The following DMD variants were observed in gnomAD, a reference collection of about 807,000 sequenced individuals.
DMD encodes mutant dystrophin.
Under a neutral mutation model 330.1 loss-of-function variants are expected in DMD, and 63 were observed. The ratio of observed to expected loss-of-function variants is 0.19; its 90% CI spans 0.16 to 0.24. The LOEUF is 0.24. Ranked by LOEUF, DMD falls within the 10% of genes least tolerant of loss-of-function variation. DMD has a pLI of 1.00. For synonymous variants in DMD, 1,223 were observed against 959.8 expected (o/e 1.27, Z -5.07); for missense variants, 3,344 against 2,684.1 (o/e 1.25, Z -5.43).
At chrX:32,590,382 C>G (rs926791732) in intron 13 of DMD, among the ~76,000 whole-genome samples, 1 of 111,425 alleles carries the variant, frequency 9.0e-6, no homozygotes, top group Admixed American at 9.5e-5. Context: ...TATGTGTCAA[C>G]TTCATGGAAT....
chrX:32,718,273 G>A (rs1257681813), intron 7 of DMD, among the ~76,000 whole-genome samples: 1 of 111,115 alleles, frequency 9.0e-6, no homozygotes, highest in Admixed American at 9.6e-5. Context: ...CATAGGGGCA[G>A]ATTTCCCTCT....
At chrX:32,976,661 C>T (rs1358051488) in intron 2 of DMD, among the ~76,000 whole-genome samples, 1 of 111,667 alleles carries the variant, frequency 9.0e-6, no homozygotes, top group Non-Finnish European at 1.9e-5. Context: ...TCATACCACT[C>T]ACCTGCATAC....
chrX:32,467,159 G>C (rs1359424949), intron 23 of DMD, among the ~76,000 whole-genome samples: 1 of 112,264 alleles, frequency 8.9e-6, no homozygotes, highest in Non-Finnish European at 1.9e-5. Flanking sequence ...TTTGCTTAGT[G>C]CTTTGGTTTG....
At chrX:31,964,610 T>C (rs772336508) in intron 45 of DMD, among the ~76,000 whole-genome samples, 5 of 109,299 alleles carry the variant, frequency 4.6e-5, no homozygotes, top group African/African-American at 6.7e-5. Context: ...TGTGTGTGTG[T>C]GTGTGTGTGT....
At chrX:31,860,820 T>G (rs910451844) in intron 48 of DMD, among the ~76,000 whole-genome samples, 1 of 112,403 alleles carries the variant, frequency 8.9e-6, no homozygotes, top group Non-Finnish European at 1.9e-5. Flanking sequence ...CAATGTATTG[T>G]TAGATAAATA....
rs1160859230 is a variant in DMD, at chrX:33,158,365, A to T, written c.31+52917T>A. Among the ~76,000 whole-genome samples the T allele has an allele frequency of 2.7e-5, 3 of 111,021 alleles. No homozygotes were observed. In the East Asian group the frequency reaches 8.6e-4, roughly 32 times the overall value. On this transcript the variant is annotated intron_variant, in intron 1 of 78. Coordinates refer to ENST00000357033, the MANE Select transcript of DMD (RefSeq NM_004006.3). ...CCCATGGTGGCCAGCTTCATCAGAA[A>T]CCTAGTGTGGCTCTGGTTTTCGCCA...
chrX:32,614,922 A>G (rs766609206), intron 11 of DMD, among the ~76,000 whole-genome samples: 1 of 110,667 alleles, frequency 9.0e-6, no homozygotes, highest in South Asian at 3.8e-4. Context: ...CACCACACCA[A>G]TTCCAAGTGT....
intron 1 of DMD, among the ~76,000 whole-genome samples, chrX:33,308,181 C>T (rs1011960956): frequency 2.7e-5 from 3 of 111,784 alleles, no homozygotes; most frequent in Non-Finnish European, 5.6e-5. Flanking sequence ...CTATGCCAGA[C>T]ATTGTTCTAA....
chrX:31,415,237 A>T (rs1274692400), intron 60 of DMD, among the ~76,000 whole-genome samples: 2 of 112,537 alleles, frequency 1.8e-5, no homozygotes, highest in Non-Finnish European at 3.7e-5. Flanking sequence ...TACAAGATGA[A>T]AACACATTGA....
chrX:32,317,727 A>G (rs2097588171), intron 41 of DMD, among the ~76,000 whole-genome samples: 2 of 111,394 alleles, frequency 1.8e-5, no homozygotes, highest in Non-Finnish European at 3.8e-5. Context: ...TATGCCACAA[A>G]ATAACTATAT....
intron 1 of DMD, among the ~76,000 whole-genome samples, chrX:33,145,683 T>C (rs2047993986): frequency 9.1e-6 from 1 of 109,387 alleles, no homozygotes; most frequent in African/African-American, 3.3e-5. Context: ...GAAAGTATGC[T>C]GAACAATTAG....
At chrX:31,641,556 G>A (rs748542539) in intron 54 of DMD, among the ~76,000 whole-genome samples, 57 of 106,938 alleles carry the variant, frequency 5.3e-4, no homozygotes, top group African/African-American at 1.8e-3. Context: ...GAGGACAGGC[G>A]CACTGGGGAA....
chrX:33,283,479 G>A (rs1243905292), intron 1 of DMD, among the ~76,000 whole-genome samples: 1 of 105,756 alleles, frequency 9.5e-6, no homozygotes, highest in African/African-American at 3.5e-5. Context: ...AGCTGAGATC[G>A]CACCATTGTA....
Position 32,216,731 on chromosome X carries a change from CA to C in DMD, c.6438+184del, listed in dbSNP as rs1201124576. Reference sequence around the variant, plus strand: ...CCAGGCAAACTCTCTCATCCTGACACAAAAAGTCCATAGCACCGTGCTCTAA... The same window carrying C: ...CCAGGCAAACTCTCTCATCCTGACACAAAAGTCCATAGCACCGTGCTCTAA... On this transcript the variant is annotated intron_variant, in intron 44 of 78. Transcript: ENST00000357033. Among the ~76,000 whole-genome samples, 4 of 111,296 alleles carry C rather than the reference CA, an allele frequency of 3.6e-5. No individual in the cohort carries two copies. In the East Asian group the frequency reaches 1.1e-3, roughly 31 times the overall value.
In DMD at chrX:32,164,736, G is replaced by A. The variant is rs757845160; in HGVS notation, c.6438+52180C>T. Among the ~76,000 whole-genome samples, 51 of 110,934 alleles carry A rather than the reference G, an allele frequency of 4.6e-4. 1 individual carries two copies. The highest frequency in any genetic ancestry group is 1.6e-3 in the African/African-American group (50 of 30,517). On this transcript the variant is annotated intron_variant, in intron 44 of 78. Coordinates refer to ENST00000357033, the MANE Select transcript of DMD (RefSeq NM_004006.3). ...AGGGCAAGTCAGAGACCTTCATTGC[G>A]GCTCCTCCCATCACAGACCCAGAGG...
chrX:32,335,781 T>C (rs56200722), intron 41 of DMD, among the ~76,000 whole-genome samples: 2 of 99,115 alleles, frequency 2.0e-5, no homozygotes, highest in Non-Finnish European at 4.1e-5. Flanking sequence ...ACGTTATATA[T>C]GTATAACATG....
chrX:33,220,657 G>C (rs942042038), intron 1 of DMD, among the ~76,000 whole-genome samples: 1 of 111,529 alleles, frequency 9.0e-6, no homozygotes, highest in Non-Finnish European at 1.9e-5. Flanking sequence ...ACTATTGCTT[G>C]TCATTTTGTT....
chrX:31,418,439 G>A (rs1356968471), intron 60 of DMD, among the ~76,000 whole-genome samples: 2 of 111,644 alleles, frequency 1.8e-5, no homozygotes, highest in African/African-American at 6.5e-5. Context: ...AAATATTCAA[G>A]CCACAGCAGT....
At chrX:33,006,409 A>G (rs2093397083) in intron 2 of DMD, among the ~76,000 whole-genome samples, 1 of 112,158 alleles carries the variant, frequency 8.9e-6, no homozygotes, top group Admixed American at 9.5e-5. Flanking sequence ...ACATCAATAG[A>G]ACAGAATAGT....
Sources: allele counts gnomAD v4.1 joint callset (sites outside exome capture counted in the v4.1 genomes callset), GRCh38; gene constraint gnomAD v4.1.1; transcripts MANE v1.5; gene names NCBI Gene and HGNC (gene_info 2026-07-23, HGNC 2026-07-21).